PRTG: variants seen among roughly 807,000 people sequenced by gnomAD.
PRTG encodes immunoglobulin superfamily, DCC subclass, member 5.
In PRTG, 67 loss-of-function variants were observed where a neutral mutation model predicts 122.5. That is an observed-to-expected ratio of 0.55 (90% CI 0.45 to 0.67). The LOEUF is 0.67. PRTG is among the 30% of genes least tolerant of loss of function. The pLI is 0.00. For missense variants in PRTG, 1,435 were observed against 1,415.4 expected (o/e 1.01, Z -0.22); for synonymous variants, 554 against 501.1 (o/e 1.11, Z -1.41).
At chr15:55,664,371 G>A (rs2059426533) in intron 11 of PRTG, among the ~76,000 whole-genome samples, 3 of 152,014 alleles carry the variant, frequency 2.0e-5, no homozygotes, top group South Asian at 4.2e-4. Context: ...TTGAACTCCC[G>A]ACCTCAGGTG....
Position 55,680,559 on chromosome 15 carries a change from T to C in PRTG, c.746A>G (p.His249Arg). Residue 249 changes from histidine to arginine, a missense_variant, in exon 5 of 20, where the codon CAT becomes CGT. His to Arg is a conservative substitution (Grantham distance 29, BLOSUM62 0). Coordinates refer to ENST00000389286, the MANE Select transcript of PRTG (RefSeq NM_173814.6). ...CATGCATTCCAAAACTACAGTCTGA[T>C]GAAGAGATGTTGTTATGTTCTGTGG... ...AGPQNITTSLHQTVVLECMAT... is the reference protein window; with the variant it reads ...AGPQNITTSLRQTVVLECMAT... 6.2e-7 allele frequency: 1 copy of C among 1,602,830 alleles called. No homozygotes were observed. The highest frequency in any genetic ancestry group is 8.5e-7 in the Non-Finnish European group (1 of 1,174,048).
At chr15:55,723,234 G>T (rs2030896322) in intron 2 of PRTG, among the ~76,000 whole-genome samples, 1 of 152,098 alleles carries the variant, frequency 6.6e-6, no homozygotes, top group South Asian at 2.1e-4. Context: ...GAAACAATCT[G>T]CCACAAGGGA....
At chr15:55,673,237 T>C in intron 10 of PRTG, 134 bp downstream of exon 10, 1 of 701,776 alleles carries the variant, frequency 1.4e-6, no homozygotes. Context: ...TTAATTTTTT[T>C]CAATTAAGTC....
intron 14 of PRTG, 78 bp from the exon 15 acceptor site, chr15:55,637,418 A>C: frequency 7.8e-7 from 1 of 1,282,216 alleles, no homozygotes; most frequent in Non-Finnish European, 1.0e-6. Context: ...TTATAGGCTT[A>C]GAAAAAAGTT....
In PRTG at chr15:55,620,171, T is replaced by G; in HGVS notation, c.3294A>C (p.Thr1098=). The G allele has an allele frequency of 6.2e-7, 1 of 1,614,232 alleles. No homozygotes were observed. The highest frequency in any genetic ancestry group is 8.5e-7 in the Non-Finnish European group (1 of 1,180,030). ...CACCAAAGGGTCTTGAGAAGCTGGT[T>G]GTCTGACCTGGGGAGCTAGGGGAGT... ...DEDSPSSPGQ[T]TSFSRPFGVA... Residue 1098 remains threonine (T), a synonymous_variant, in exon 20 of 20, where the codon ACA becomes ACC. Transcript: ENST00000389286.
At chr15:55,639,246 T>A (rs2059275892) in intron 13 of PRTG, among the ~76,000 whole-genome samples, 1 of 152,138 alleles carries the variant, frequency 6.6e-6, no homozygotes, top group Non-Finnish European at 1.5e-5. Context: ...AAATCATTCT[T>A]TTAGAGCACC....
chr15:55,667,792 C>A (rs2059447120), intron 11 of PRTG, among the ~76,000 whole-genome samples: 1 of 152,110 alleles, frequency 6.6e-6, no homozygotes, highest in African/African-American at 2.4e-5. Flanking sequence ...GACTGCTGGA[C>A]AGAATGAATC....
intron 11 of PRTG, among the ~76,000 whole-genome samples, chr15:55,667,298 T>C (rs1309069653): frequency 2.0e-5 from 3 of 152,042 alleles, no homozygotes; most frequent in African/African-American, 7.2e-5. Context: ...TCATTAGAGG[T>C]AGCTGCAAAT....
intron 11 of PRTG, among the ~76,000 whole-genome samples, chr15:55,671,441 A>C (rs903970754): frequency 6.6e-6 from 1 of 152,236 alleles, no homozygotes; most frequent in African/African-American, 2.4e-5. Context: ...CTAAGTGTAC[A>C]TTTTATACCT....
rs539523158 is a variant in PRTG, at chr15:55,615,603, A to T, written c.*4409T>A. 7 of 152,280 alleles carry T rather than the reference A, an allele frequency of 4.6e-5. No homozygotes were observed. The highest frequency in any genetic ancestry group is 1.7e-4 in the African/African-American group (7 of 41,578). The allele number at this position is 152,280 out of a possible 1,614,324, so 9.4% of individuals were successfully genotyped here. On this transcript the variant is annotated 3_prime_UTR_variant, in exon 20 of 20. Coordinates refer to ENST00000389286, the MANE Select transcript of PRTG (RefSeq NM_173814.6). ...CTGCTACTCAGTGCTCACAAACTGC[A>T]AAGATTATTTTGACTATTAAACCAA...
Position 55,614,011 on chromosome 15 carries a change from T to A in PRTG, c.*6001A>T, listed in dbSNP as rs2059131765. 1 of 152,130 alleles carries A rather than the reference T, an allele frequency of 6.6e-6. No individual in the cohort carries two copies. The highest frequency in any genetic ancestry group is 1.5e-5 in the Non-Finnish European group (1 of 67,958). 9.4% of individuals were successfully genotyped at this position (152,130 alleles called of 1,614,324 possible). A position where few individuals can be genotyped will look rare whatever the true frequency, so the allele number is the denominator to read the frequency against. ...AGATGCTCAACAAATGGCATCATAT[T>A]ACTTCCTAGAGTCGGGAGAAGTTGT... is the stretch of plus-strand genomic sequence containing the variant. On this transcript the variant is annotated 3_prime_UTR_variant, in exon 20 of 20. Coordinates refer to ENST00000389286, the MANE Select transcript of PRTG (RefSeq NM_173814.6).
intron 11 of PRTG, among the ~76,000 whole-genome samples, chr15:55,663,157 T>C (rs1014425552): frequency 6.6e-5 from 10 of 152,204 alleles, no homozygotes; most frequent in African/African-American, 2.4e-4. Flanking sequence ...GCACTTACTA[T>C]GTACCAACCC....
chr15:55,687,604 AG>A (rs1478838393), intron 2 of PRTG, among the ~76,000 whole-genome samples: 2 of 152,148 alleles, frequency 1.3e-5, no homozygotes, highest in African/African-American at 4.8e-5. Flanking sequence ...CTTGTACTTT[AG>A]GCCTAATGGG....
intron 2 of PRTG, among the ~76,000 whole-genome samples, chr15:55,712,338 T>C (rs1238192073): frequency 3.9e-5 from 6 of 152,186 alleles, no homozygotes; most frequent in African/African-American, 1.4e-4. Context: ...TCTCAAATAA[T>C]AGCTTTAGTC....
intron 11 of PRTG, among the ~76,000 whole-genome samples, chr15:55,670,111 T>C (rs991708519): frequency 3.9e-5 from 6 of 152,210 alleles, no homozygotes; most frequent in African/African-American, 1.4e-4. Context: ...TGGGTCTTCC[T>C]CTTTATAAAT....
intron 1 of PRTG, among the ~76,000 whole-genome samples, chr15:55,741,841 C>T (rs1273134423): frequency 1.3e-5 from 2 of 152,228 alleles, no homozygotes; most frequent in Non-Finnish European, 2.9e-5. Flanking sequence ...CTCCGGAAGG[C>T]GCCCATTGTG....
At chr15:55,682,146 T>TA (rs2059542087) in intron 4 of PRTG, among the ~76,000 whole-genome samples, 1 of 152,198 alleles carries the variant, frequency 6.6e-6, no homozygotes, top group Non-Finnish European at 1.5e-5. Context: ...TTGTTAATCT[T>TA]TCTTAAGACT....
intron 11 of PRTG, among the ~76,000 whole-genome samples, chr15:55,671,927 A>G (rs2059474285): frequency 6.6e-6 from 1 of 152,222 alleles, no homozygotes; most frequent in Non-Finnish European, 1.5e-5. Flanking sequence ...GACGAACTCA[A>G]ATACAAAGTT....
rs1311339355 is a variant in PRTG at position 55,673,413 on chromosome 15, C to A, written c.1810G>T (p.Val604Leu). 1.2e-6 allele frequency: 2 copies of A among 1,614,156 alleles called. No homozygotes were observed. The highest frequency in any genetic ancestry group is 2.2e-5 in the East Asian group (1 of 44,884). ...ATRVGLGESS[V>L]WTSHRTPKAT... ...TTGGGCGTCCTATGTGAAGTCCATACTGATGACTCTCCCAGCCCCACTCTG... is the reference window on the plus strand; with the variant it reads ...TTGGGCGTCCTATGTGAAGTCCATAATGATGACTCTCCCAGCCCCACTCTG... The change falls in exon 10 of 20, where the codon GTA becomes TTA. Residue 604 changes from valine (V) to leucine (L), a missense_variant. Coordinates refer to ENST00000389286, the MANE Select transcript of PRTG (RefSeq NM_173814.6).
Sources: gnomAD v4.1 joint callset for allele counts (sites outside exome capture counted in the v4.1 genomes callset) on GRCh38, gnomAD v4.1.1 for gene constraint, MANE v1.5 for transcripts, NCBI Gene and HGNC (gene_info 2026-07-23, HGNC 2026-07-21) for gene names.